The following PTPRD variants were observed in gnomAD, a reference collection of about 807,000 sequenced individuals.
PTPRD encodes the protein protein tyrosine phosphatase receptor type D.
A neutral mutation model predicts 214.5 loss-of-function variants in PTPRD; 34 were observed. That is an observed-to-expected ratio of 0.16 (90% CI 0.12 to 0.21). PTPRD has a LOEUF of 0.21. Ranked by LOEUF, PTPRD falls within the 10% of genes least tolerant of loss-of-function variation. The pLI is 1.00. For missense variants in PTPRD, 2,545 were observed against 2,398.7 expected, an observed-to-expected ratio of 1.06 and a Z score of -1.27; for synonymous variants, 1,128 against 845.7, an observed-to-expected ratio of 1.33 and a Z score of -5.79.
intron 5 of PTPRD, among the ~76,000 whole-genome samples, chr9:9,884,670 G>A (rs2070137167): frequency 6.6e-6 from 1 of 152,096 alleles, no homozygotes; most frequent in South Asian, 2.1e-4. Flanking sequence ...ATCCTCATGT[G>A]TCATGGGAGG....
intron 3 of PTPRD, among the ~76,000 whole-genome samples, chr9:10,262,900 G>C (rs560284007): frequency 3.3e-5 from 5 of 152,126 alleles, no homozygotes; most frequent in Admixed American, 6.5e-5. Context: ...TGTTGTGGGA[G>C]GGACCTGAGG....
chr9:8,636,584 G>A (rs1464029297), intron 13 of PTPRD, 115 bp downstream of exon 13: 2 of 1,288,942 alleles, frequency 1.6e-6, no homozygotes, highest in Non-Finnish European at 2.1e-6. Flanking sequence ...GCAATGTAAG[G>A]AATACCATAT....
intron 14 of PTPRD, among the ~76,000 whole-genome samples, chr9:8,546,209 A>G (rs1393589594): frequency 1.3e-5 from 2 of 152,218 alleles, no homozygotes; most frequent in South Asian, 4.1e-4. Flanking sequence ...ACTCCTCCAT[A>G]TAATATAAAA....
At chr9:10,032,652 T>A (rs1460123614) in intron 4 of PTPRD, among the ~76,000 whole-genome samples, 1 of 152,168 alleles carries the variant, frequency 6.6e-6, no homozygotes, top group Non-Finnish European at 1.5e-5. Context: ...GTATATCTAT[T>A]CAATCTAATG....
At chr9:10,525,049 G>T (rs546003112) in intron 2 of PTPRD, among the ~76,000 whole-genome samples, 3 of 151,728 alleles carry the variant, frequency 2.0e-5, no homozygotes, top group African/African-American at 7.3e-5. Flanking sequence ...TATTTTCAGG[G>T]TAGTGGTCTT....
intron 8 of PTPRD, among the ~76,000 whole-genome samples, chr9:9,424,630 G>A (rs2080126940): frequency 6.6e-6 from 1 of 152,104 alleles, no homozygotes; most frequent in South Asian, 2.1e-4. Flanking sequence ...AAGGCTAAGG[G>A]TGACTAACTA....
intron 11 of PTPRD, chr9:8,958,982 A>G (rs918109603): frequency 2.0e-5 from 3 of 148,692 alleles, no homozygotes; most frequent in African/African-American, 7.4e-5. Flanking sequence ...ATTCAGCCCA[A>G]TGTACCTTAT....
chr9:10,569,338 C>G (rs1005915224), intron 2 of PTPRD, among the ~76,000 whole-genome samples: 1 of 152,072 alleles, frequency 6.6e-6, no homozygotes, highest in Non-Finnish European at 1.5e-5. Flanking sequence ...CAAAGTAGTG[C>G]TCAATTTTAA....
intron 9 of PTPRD, among the ~76,000 whole-genome samples, chr9:9,267,165 ATTAT>A (rs1358751719): frequency 1.3e-5 from 2 of 151,294 alleles, no homozygotes; most frequent in African/African-American, 4.8e-5. Context: ...ATGTACAATT[ATTAT>A]TTATCAGTTA....
At chr9:8,543,690 C>T (rs2079071769) in intron 14 of PTPRD, among the ~76,000 whole-genome samples, 1 of 152,112 alleles carries the variant, frequency 6.6e-6, no homozygotes, top group Non-Finnish European at 1.5e-5. Context: ...GAATGTTTCC[C>T]CAGTGGGAAA....
intron 3 of PTPRD, among the ~76,000 whole-genome samples, chr9:10,146,450 A>G (rs1297045793): frequency 2.0e-5 from 3 of 152,116 alleles, no homozygotes; most frequent in Non-Finnish European, 4.4e-5. Context: ...TCAGATGATG[A>G]TATTTACACT....
At chr9:9,917,560 C>T (rs1477109365) in intron 5 of PTPRD, among the ~76,000 whole-genome samples, 1 of 150,446 alleles carries the variant, frequency 6.6e-6, no homozygotes, top group Non-Finnish European at 1.5e-5. Context: ...AAAAATGAAG[C>T]AGAAGGTATT....
In PTPRD at chr9:9,703,713, A is replaced by AT. The variant is rs2097544381; in HGVS notation, c.-287+30819dup. Among the ~76,000 whole-genome samples the AT allele has an allele frequency of 2.0e-5, 3 of 152,192 alleles. No individual in the cohort carries two copies. The South Asian group carries it at 6.2e-4, about 32-fold the overall frequency. On this transcript the variant is annotated intron_variant, in intron 7 of 45. Coordinates refer to ENST00000381196, the MANE Select transcript of PTPRD (RefSeq NM_002839.4). The stretch of plus-strand genomic sequence containing the variant: ...AATCTATTTGTTAATAAGTGATTTT[A>AT]TTTTTTTGCCAAGAATACAAATTTA...
intron 10 of PTPRD, among the ~76,000 whole-genome samples, chr9:9,112,153 G>A (rs1489556706): frequency 6.6e-6 from 1 of 152,092 alleles, no homozygotes; most frequent in South Asian, 2.1e-4. Context: ...TTTTGTAGCT[G>A]GCACTGATCC....
intron 7 of PTPRD, among the ~76,000 whole-genome samples, chr9:9,595,574 GTGTA>G (rs747136227): frequency 0.058 from 8,125 of 139,664 alleles, 241 homozygotes; most frequent in Middle Eastern, 0.11. Context: ...GTGTGTGTGT[GTGTA>G]TATACATATA....
In PTPRD at chr9:8,854,714, A is replaced by G. The variant is rs555864462; in HGVS notation, c.-103-120768T>C. 2.6e-5 allele frequency among the ~76,000 whole-genome samples: 4 copies of G among 152,298 alleles called. No individual in the cohort carries two copies. The East Asian group carries it at 5.8e-4, about 22-fold the overall frequency. On this transcript the variant is annotated intron_variant, in intron 11 of 45. Coordinates refer to ENST00000381196, the MANE Select transcript of PTPRD (RefSeq NM_002839.4). The stretch of plus-strand genomic sequence containing the variant: ...AGTCCAGGTCCCTCAAGTGCTAACT[A>G]AACTGTGGTCACAGCCTCAGATTTT...
intron 5 of PTPRD, among the ~76,000 whole-genome samples, chr9:9,930,668 G>C (rs991467505): frequency 6.6e-6 from 1 of 152,000 alleles, no homozygotes; most frequent in Non-Finnish European, 1.5e-5. Flanking sequence ...ATAGCATTGA[G>C]TATATCAGTA....
At chr9:10,180,228 G>A (rs1282662470) in intron 3 of PTPRD, among the ~76,000 whole-genome samples, 7 of 151,820 alleles carry the variant, frequency 4.6e-5, no homozygotes, top group African/African-American at 9.7e-5. Flanking sequence ...CACATAAAGG[G>A]AAATTCAAGG....
At chr9:9,186,667 A>T (rs940305959) in intron 9 of PTPRD, among the ~76,000 whole-genome samples, 29 of 148,754 alleles carry the variant, frequency 1.9e-4, no homozygotes, top group East Asian at 1.6e-3. Context: ...TCTCTCTCTC[A>T]CACACACACA....
Sources: gnomAD v4.1 joint callset for allele counts (sites outside exome capture counted in the v4.1 genomes callset) on GRCh38, gnomAD v4.1.1 for gene constraint, MANE v1.5 for transcripts, NCBI Gene and HGNC (gene_info 2026-07-23, HGNC 2026-07-21) for gene names.